TSHZ2: variants seen among roughly 807,000 people sequenced by gnomAD.
TSHZ2 encodes the protein teashirt homolog 2.
TSHZ2 carries 21 observed loss-of-function variants against 74.4 expected under a neutral mutation model. That is an observed-to-expected ratio of 0.28 (90% CI 0.20 to 0.41). The LOEUF is 0.41. TSHZ2 is among the 10% of genes least tolerant of loss of function. TSHZ2 has a pLI of 1.00. For synonymous variants in TSHZ2, 540 were observed against 515.3 expected (o/e 1.05, Z -0.65); for missense variants, 1,244 against 1,293.5 (o/e 0.96, Z 0.59).
At chr20:53,085,853 G>T (rs1269457165) in intron 1 of TSHZ2, among the ~76,000 whole-genome samples, 1 of 152,172 alleles carries the variant, frequency 6.6e-6, no homozygotes, top group Admixed American at 6.5e-5. Context: ...CCCACGCAGG[G>T]CTCAGTGGTG....
At chr20:53,216,409 A>T (rs972730765) in intron 1 of TSHZ2, among the ~76,000 whole-genome samples, 3 of 152,240 alleles carry the variant, frequency 2.0e-5, no homozygotes, top group Non-Finnish European at 4.4e-5. Flanking sequence ...AAAGTCAAGG[A>T]CGTGAACATA....
chr20:53,168,572 G>A (rs1023940357), intron 1 of TSHZ2: 3 of 152,166 alleles, frequency 2.0e-5, no homozygotes, highest in Non-Finnish European at 4.4e-5. Flanking sequence ...TCTGAAAGAT[G>A]TTTTTGCTTG....
At chr20:53,323,882 C>T (rs1485077711) in intron 2 of TSHZ2, among the ~76,000 whole-genome samples, 5 of 151,962 alleles carry the variant, frequency 3.3e-5, no homozygotes, top group Non-Finnish European at 5.9e-5. Flanking sequence ...CCGGGCTCCT[C>T]GGAGGGCTTT....
intron 1 of TSHZ2, among the ~76,000 whole-genome samples, chr20:53,190,305 G>A (rs933738374): frequency 1.7e-4 from 25 of 151,024 alleles, no homozygotes; most frequent in Non-Finnish European, 3.5e-4. Context: ...TTGTTTCCTT[G>A]CGAGCTGGTA....
At chr20:53,320,790 T>C (rs1404377930) in intron 2 of TSHZ2, among the ~76,000 whole-genome samples, 5 of 152,220 alleles carry the variant, frequency 3.3e-5, no homozygotes, top group Non-Finnish European at 7.3e-5. Flanking sequence ...TGGGAGAGAC[T>C]GAAGTAGAAG....
chr20:53,356,928 G>A (rs1376384288), intron 2 of TSHZ2, among the ~76,000 whole-genome samples: 1 of 152,042 alleles, frequency 6.6e-6, no homozygotes, highest in Non-Finnish European at 1.5e-5. Context: ...TAAATTCTAA[G>A]CAAAATATTT....
At chr20:53,142,913 G>A (rs1301774516) in intron 1 of TSHZ2, among the ~76,000 whole-genome samples, 1 of 152,104 alleles carries the variant, frequency 6.6e-6, no homozygotes, top group African/African-American at 2.4e-5. Flanking sequence ...AAAATAGCGT[G>A]TTTTTTGCTT....
At chr20:52,980,211 G>A (rs982120521) in intron 1 of TSHZ2, among the ~76,000 whole-genome samples, 7 of 152,192 alleles carry the variant, frequency 4.6e-5, no homozygotes, top group African/African-American at 1.4e-4. Context: ...ACTTTGTTGC[G>A]GCAGGATAAG....
intron 1 of TSHZ2, among the ~76,000 whole-genome samples, chr20:53,057,730 A>C (rs1273895339): frequency 1.3e-5 from 2 of 152,186 alleles, no homozygotes; most frequent in African/African-American, 4.8e-5. Flanking sequence ...CACTCACAGA[A>C]ACAGTGATGA....
intron 1 of TSHZ2, among the ~76,000 whole-genome samples, chr20:53,045,259 C>T (rs527851265): frequency 6.6e-6 from 1 of 152,310 alleles, no homozygotes; most frequent in East Asian, 1.9e-4. Context: ...CAGTGACGTC[C>T]TCACTTCTGG....
At chr20:53,372,370 G>C (rs768262851) in intron 2 of TSHZ2, among the ~76,000 whole-genome samples, 1 of 152,096 alleles carries the variant, frequency 6.6e-6, no homozygotes, top group East Asian at 1.9e-4. Context: ...CCAGCCACTC[G>C]GGAGGCTGAG....
intron 2 of TSHZ2, among the ~76,000 whole-genome samples, chr20:53,285,260 T>C (rs963965095): frequency 5.9e-5 from 9 of 152,294 alleles, no homozygotes; most frequent in Admixed American, 1.3e-4. Flanking sequence ...CGGGCAGTGA[T>C]TTCATACAGC....
At chr20:53,363,092 C>T (rs370315885) in intron 2 of TSHZ2, among the ~76,000 whole-genome samples, 1 of 152,168 alleles carries the variant, frequency 6.6e-6, no homozygotes, top group Non-Finnish European at 1.5e-5. Flanking sequence ...CCTGTCACCC[C>T]GTAGGAGGGG....
At chr20:53,348,539 GA>G (rs565336412) in intron 2 of TSHZ2, among the ~76,000 whole-genome samples, 24 of 103,418 alleles carry the variant, frequency 2.3e-4, no homozygotes, top group Non-Finnish European at 3.2e-4. Flanking sequence ...AAAAAGAAAA[GA>G]AAAAAAATAG....
At chr20:53,158,366 T>A (rs1373339236) in intron 1 of TSHZ2, among the ~76,000 whole-genome samples, 1 of 152,122 alleles carries the variant, frequency 6.6e-6, no homozygotes, top group Non-Finnish European at 1.5e-5. Flanking sequence ...GCAGGTTGAC[T>A]GCACACCGGT....
At chr20:52,980,234 T>C (rs930047168) in intron 1 of TSHZ2, among the ~76,000 whole-genome samples, 1 of 152,192 alleles carries the variant, frequency 6.6e-6, no homozygotes, top group African/African-American at 2.4e-5. Flanking sequence ...GACAACAGCA[T>C]TGCGTTTTAG....
At chr20:53,114,959 G>C (rs1039164828) in intron 1 of TSHZ2, among the ~76,000 whole-genome samples, 1 of 152,172 alleles carries the variant, frequency 6.6e-6, no homozygotes, top group Non-Finnish European at 1.5e-5. Flanking sequence ...TGGGTATCAC[G>C]CATTCTTCCT....
chr20:53,098,588 T>C (rs2123284708), intron 1 of TSHZ2, among the ~76,000 whole-genome samples: 2 of 152,330 alleles, frequency 1.3e-5, no homozygotes, highest in Middle Eastern at 3.4e-3. Context: ...TTGGTCCCAT[T>C]TGAATCCACT....
chr20:53,454,905 A>C (rs1984990087), intron 2 of TSHZ2, among the ~76,000 whole-genome samples: 1 of 152,190 alleles, frequency 6.6e-6, no homozygotes, highest in East Asian at 1.9e-4. Flanking sequence ...ATGAGACAGA[A>C]GACCTCTCAC....
Sources: allele counts gnomAD v4.1 joint callset (sites outside exome capture counted in the v4.1 genomes callset), GRCh38; gene constraint gnomAD v4.1.1; transcripts MANE v1.5; gene names NCBI Gene and HGNC (gene_info 2026-07-23, HGNC 2026-07-21).